Variants in SAMM50 observed in about 807,000 individuals in gnomAD.
SAMM50 encodes the protein sorting and assembly machinery component 50 homolog.
SAMM50 carries 47 observed loss-of-function variants against 66.9 expected under a neutral mutation model. The ratio of observed to expected loss-of-function variants is 0.70; its 90% CI spans 0.56 to 0.90. The LOEUF is 0.90. Among genes scored for constraint, SAMM50 ranks in the 40% least tolerant of loss-of-function variants. The pLI is 0.00. For synonymous variants in SAMM50, 191 were observed against 214.1 expected, an observed-to-expected ratio of 0.89 and a Z score of 0.94; for missense variants, 535 against 595.3, an observed-to-expected ratio of 0.90 and a Z score of 1.05.
chr22:43,990,001 A>T (rs2050314599), intron 13 of SAMM50, among the ~76,000 whole-genome samples: 1 of 152,194 alleles, frequency 6.6e-6, no homozygotes, highest in Non-Finnish European at 1.5e-5. Flanking sequence ...GATGGGGAAA[A>T]GTCATTCTAA....
At chr22:43,989,586 C>T (rs960589917) in intron 13 of SAMM50, among the ~76,000 whole-genome samples, 1 of 152,100 alleles carries the variant, frequency 6.6e-6, no homozygotes, top group East Asian at 1.9e-4. Context: ...TCCACACCCC[C>T]CTTGGATTCC....
chr22:43,959,018 CT>C (rs11337908), intron 1 of SAMM50, among the ~76,000 whole-genome samples: 50,112 of 112,130 alleles, frequency 0.45, 8,853 homozygotes, highest in East Asian at 0.71. Context: ...TTTCAGTTTT[CT>C]TTTTTTTTTT....
intron 12 of SAMM50, among the ~76,000 whole-genome samples, chr22:43,985,396 A>C (rs995827712): frequency 6.6e-6 from 1 of 152,010 alleles, no homozygotes; most frequent in African/African-American, 2.4e-5. Flanking sequence ...AGGTCTTTGA[A>C]CTATCCATGG....
chr22:43,968,666 C>CT, intron 3 of SAMM50, 65 bp from the exon 4 acceptor site: 1 of 1,131,534 alleles, frequency 8.8e-7, no homozygotes, highest in Non-Finnish European at 1.3e-6. Context: ...CGCCGTGTGG[C>CT]TGCCATTTGC....
At chr22:43,980,789 A>G (rs1377015525) in intron 10 of SAMM50, among the ~76,000 whole-genome samples, 1 of 152,198 alleles carries the variant, frequency 6.6e-6, no homozygotes, top group Non-Finnish European at 1.5e-5. Context: ...CATGGGGTGC[A>G]GGGGAGCAGG....
At chr22:43,994,454 G>A (rs1379922702) in intron 14 of SAMM50, among the ~76,000 whole-genome samples, 3 of 152,174 alleles carry the variant, frequency 2.0e-5, no homozygotes, top group African/African-American at 7.2e-5. Context: ...AGAGGCTCCT[G>A]GCGTGTGGTG....
chr22:43,964,760 T>C (rs1033335664), intron 3 of SAMM50, among the ~76,000 whole-genome samples: 8 of 152,200 alleles, frequency 5.3e-5, no homozygotes, highest in Non-Finnish European at 1.2e-4. Flanking sequence ...CATTTGCCTT[T>C]TCCTCCTGTC....
rs1042613806 is a variant in SAMM50, at chr22:43,957,025, A to G, written c.21+1427A>G. On this transcript the variant is annotated intron_variant, in intron 1 of 14. Transcript: ENST00000350028. ...CCGGGAGCAGGACTTCTGAAAGGAAATATGTCTGGAAGGCTGTGGTCCAAG... is the reference window on the plus strand; with the variant it reads ...CCGGGAGCAGGACTTCTGAAAGGAAGTATGTCTGGAAGGCTGTGGTCCAAG... The G allele has an allele frequency of 1.8e-5, 15 of 827,572 alleles. 1 individual carries two copies. Among genetic ancestry groups the G allele is most frequent in the South Asian group, 1.7e-4 (12 of 71,928 alleles). The allele number at this position is 827,572 out of a possible 1,614,324, so 51.3% of individuals were successfully genotyped here. A position where few individuals can be genotyped will look rare whatever the true frequency, so the allele number is the denominator to read the frequency against.
At chr22:43,966,966 CTGCTTTGTTA>C (rs2146809819) in intron 3 of SAMM50, among the ~76,000 whole-genome samples, 2 of 152,232 alleles carry the variant, frequency 1.3e-5, no homozygotes, top group East Asian at 3.9e-4. Flanking sequence ...TGCACCTGTC[CTGCTTTGTTA>C]TTTGCCTTTG....
chr22:43,991,171 T>TG (rs2050322801), intron 14 of SAMM50, among the ~76,000 whole-genome samples: 2 of 151,930 alleles, frequency 1.3e-5, no homozygotes, highest in Non-Finnish European at 2.9e-5. Context: ...AGAGACAGGG[T>TG]TTCACCATGT....
chr22:43,982,797 A>G (rs1254685886), intron 11 of SAMM50, among the ~76,000 whole-genome samples: 1 of 152,026 alleles, frequency 6.6e-6, no homozygotes, highest in African/African-American at 2.4e-5. Flanking sequence ...CACCACGCCC[A>G]GCTAATTTTT....
chr22:43,958,724 G>T (rs559957228), intron 1 of SAMM50, among the ~76,000 whole-genome samples: 3 of 152,062 alleles, frequency 2.0e-5, no homozygotes, highest in Admixed American at 6.5e-5. Flanking sequence ...TGATCCACCC[G>T]CCTCAGCCTC....
At chr22:43,963,510 G>C in intron 2 of SAMM50, 114 bp downstream of exon 2, 2 of 537,918 alleles carry the variant, frequency 3.7e-6, no homozygotes, top group Non-Finnish European at 6.5e-6. Flanking sequence ...TCAAAGAAGA[G>C]TTTGTAACCA....
chr22:43,963,197 T>C, intron 1 of SAMM50, 89 bp from the exon 2 acceptor site: 1 of 768,836 alleles, frequency 1.3e-6, no homozygotes. Flanking sequence ...CTGAATTTTC[T>C]GCAGCACCAT....
chr22:43,957,766 TTTG>T lies in SAMM50; in HGVS notation c.21+2178_21+2180del, dbSNP rs968086884. Among the ~76,000 whole-genome samples the T allele has an allele frequency of 8.0e-5, 12 of 150,834 alleles. 1 individual carries two copies. The highest frequency in any genetic ancestry group is 2.0e-4 in the Admixed American group (3 of 15,186). On this transcript the variant is annotated intron_variant, in intron 1 of 14. Transcript: ENST00000350028. Reference sequence around the variant, plus strand: ...TGTCCAGATGTCCAGAATAATTTTTTTTGTTGTTGTTGAGACAGAGTCTTGCTC... The same window carrying T: ...TGTCCAGATGTCCAGAATAATTTTTTTTGTTGTTGAGACAGAGTCTTGCTC...
At position 43,990,288 on chromosome 22, in the gene SAMM50, C is replaced by T. The variant is rs201717661; in HGVS notation, c.1246C>T (p.Arg416Cys). 111 of 1,614,178 alleles carry T rather than the reference C, an allele frequency of 6.9e-5. No homozygotes were observed. Among genetic ancestry groups the T allele is most frequent in the South Asian group, 9.9e-5 (9 of 91,078 alleles). ...AGGGGAGGGCCCCAAAGCTCATATT[C>T]GTAAGCTGGCTGAGTGCATCCGCTG... is the stretch of plus-strand genomic sequence containing the variant. Reference protein sequence around the residue: ...NYGEGPKAHIRKLAECIRWSY... With the variant: ...NYGEGPKAHICKLAECIRWSY... Residue 416 changes from arginine (R) to cysteine (C), a missense_variant, in exon 14 of 15, where the codon CGT (arginine) becomes TGT (cysteine). Arg to Cys is a radical substitution (Grantham distance 180, BLOSUM62 -3). Coordinates refer to ENST00000350028, the MANE Select transcript of SAMM50 (RefSeq NM_015380.5).
chr22:43,978,415 A>G (rs1207481493), intron 10 of SAMM50, among the ~76,000 whole-genome samples: 1 of 132,332 alleles, frequency 7.6e-6, no homozygotes, highest in African/African-American at 2.9e-5. Context: ...AGCCTGGGTG[A>G]CAGAGAGACT....
chr22:43,977,263 T>G (rs956107247), intron 9 of SAMM50, among the ~76,000 whole-genome samples: 2 of 152,198 alleles, frequency 1.3e-5, no homozygotes, highest in South Asian at 4.1e-4. Context: ...GCTGTTAGTC[T>G]GTCTTTGGGT....
intron 14 of SAMM50, among the ~76,000 whole-genome samples, chr22:43,992,540 C>T (rs2050330748): frequency 6.6e-6 from 1 of 152,254 alleles, no homozygotes; most frequent in Admixed American, 6.5e-5. Context: ...AGGCTGCATG[C>T]ATGTGTGCCT....
Sources: allele counts gnomAD v4.1 joint callset (sites outside exome capture counted in the v4.1 genomes callset), GRCh38; gene constraint gnomAD v4.1.1; transcripts MANE v1.5; gene names NCBI Gene and HGNC (gene_info 2026-07-23, HGNC 2026-07-21).